DMD: variants seen among roughly 807,000 people sequenced by gnomAD.
The protein encoded by DMD is mutant dystrophin.
A neutral mutation model predicts 330.1 loss-of-function variants in DMD; 63 were observed. The ratio of observed to expected loss-of-function variants is 0.19; its 90% confidence interval spans 0.16 to 0.24. The LOEUF is 0.24. DMD is among the 10% of genes least tolerant of loss of function. The probability of loss-of-function intolerance (pLI) is 1.00; values close to 1 mark genes in which losing one functional copy is unlikely to be tolerated. For missense variants in DMD, 3,344 were observed against 2,684.1 expected, an observed-to-expected ratio of 1.25 and a Z score of -5.43; for synonymous variants, 1,223 against 959.8, an observed-to-expected ratio of 1.27 and a Z score of -5.07.
chrX:32,623,739 C>T (rs1274605242), intron 11 of DMD, among the ~76,000 whole-genome samples: 1 of 110,409 alleles, frequency 9.1e-6, no homozygotes, highest in East Asian at 2.9e-4. Context: ...GTTGCCCAGG[C>T]TAGTCTTGAA....
At chrX:31,815,659 G>A (rs1446203801) in intron 50 of DMD, among the ~76,000 whole-genome samples, 3 of 111,327 alleles carry the variant, frequency 2.7e-5, no homozygotes, top group Admixed American at 9.6e-5. Context: ...GTATAAATAC[G>A]GTGACAATAA....
chrX:31,629,932 TGTA>T (rs1446334633), intron 54 of DMD, among the ~76,000 whole-genome samples: 1 of 112,216 alleles, frequency 8.9e-6, no homozygotes, highest in African/African-American at 3.2e-5. Context: ...TATTTTCTAA[TGTA>T]GTCCAATTTC....
intron 11 of DMD, chrX:32,641,652 A>T (rs770720322): frequency 1.1e-3 from 173 of 151,221 alleles, no homozygotes; most frequent in African/African-American, 5.3e-3. Context: ...AGAAGTTTTT[A>T]ACTTTTGTTA....
intron 52 of DMD, among the ~76,000 whole-genome samples, chrX:31,698,177 G>A (rs1215071510): frequency 1.8e-5 from 2 of 111,809 alleles, no homozygotes; most frequent in East Asian, 5.6e-4. Flanking sequence ...ATGCCAAGGT[G>A]AAAGGCTTAA....
At chrX:32,515,471 G>C (rs1293287840) in intron 18 of DMD, among the ~76,000 whole-genome samples, 4 of 111,087 alleles carry the variant, frequency 3.6e-5, no homozygotes, top group Non-Finnish European at 7.5e-5. Context: ...TTGATAGGGA[G>C]GGTTTCAAGA....
chrX:32,430,417 A>C (rs2098233307), intron 29 of DMD, among the ~76,000 whole-genome samples: 1 of 111,885 alleles, frequency 8.9e-6, no homozygotes, highest in African/African-American at 3.2e-5. Context: ...ATTATGACAT[A>C]CAAGAAAGCT....
At chrX:31,219,947 TA>T (rs1342898882) in intron 64 of DMD, among the ~76,000 whole-genome samples, 1 of 111,317 alleles carries the variant, frequency 9.0e-6, no homozygotes, top group Non-Finnish European at 1.9e-5. Context: ...CACTATTATA[TA>T]TTTTTACTGT....
chrX:32,303,512 C>T (rs1386958536), intron 42 of DMD, among the ~76,000 whole-genome samples: 1 of 111,048 alleles, frequency 9.0e-6, no homozygotes, highest in Non-Finnish European at 1.9e-5. Context: ...TGTTTATAGA[C>T]TTATAAAACT....
intron 67 of DMD, among the ~76,000 whole-genome samples, chrX:31,196,241 G>A (rs1213893873): frequency 9.0e-6 from 1 of 111,599 alleles, no homozygotes; most frequent in Non-Finnish European, 1.9e-5. Flanking sequence ...GTAAGAGGTC[G>A]GTGATATCTC....
chrX:32,754,708 G>A (rs889897783), intron 7 of DMD, among the ~76,000 whole-genome samples: 23 of 111,056 alleles, frequency 2.1e-4, no homozygotes, highest in African/African-American at 5.6e-4. Context: ...AAATTTTCAC[G>A]GCAAATCTGT....
At chrX:32,692,616 C>T (rs948658957) in intron 9 of DMD, among the ~76,000 whole-genome samples, 2 of 111,729 alleles carry the variant, frequency 1.8e-5, no homozygotes, top group African/African-American at 6.5e-5. Flanking sequence ...TTACTATGTT[C>T]TGCTCTGCAT....
At chrX:32,192,285 G>A (rs1024230995) in intron 44 of DMD, among the ~76,000 whole-genome samples, 5 of 111,628 alleles carry the variant, frequency 4.5e-5, no homozygotes, top group Non-Finnish European at 7.5e-5. Flanking sequence ...AGGATTCAAA[G>A]TCAGCCATAA....
chrX:31,281,167 C>T (rs777793290), intron 62 of DMD, among the ~76,000 whole-genome samples: 4 of 111,748 alleles, frequency 3.6e-5, no homozygotes, highest in Admixed American at 9.5e-5. Flanking sequence ...GCAGGGCCAA[C>T]GACAGAGACT....
intron 12 of DMD, among the ~76,000 whole-genome samples, chrX:32,597,719 G>A (rs1301687190): frequency 9.0e-6 from 1 of 111,576 alleles, no homozygotes; most frequent in Non-Finnish European, 1.9e-5. Flanking sequence ...TGATGAACAG[G>A]GGTAAACACA....
At chrX:33,334,541 A>T (rs1205255431) in intron 1 of DMD, among the ~76,000 whole-genome samples, 1 of 111,458 alleles carries the variant, frequency 9.0e-6, no homozygotes, top group African/African-American at 3.2e-5. Context: ...CCTATATAGC[A>T]TATAAACAAA....
chrX:33,234,240 T>C (rs1482040959), intron 1 of DMD, among the ~76,000 whole-genome samples: 2 of 112,119 alleles, frequency 1.8e-5, no homozygotes, highest in South Asian at 3.7e-4. Context: ...TATTTAGCGG[T>C]ACATAAATTC....
At chrX:31,840,292 C>T (rs1298948917) in intron 48 of DMD, among the ~76,000 whole-genome samples, 1 of 111,171 alleles carries the variant, frequency 9.0e-6, no homozygotes, top group Admixed American at 9.7e-5. Flanking sequence ...ATCATCTATT[C>T]AATATATTTA....
chrX:32,904,586 T>G (rs1210311004), intron 2 of DMD, among the ~76,000 whole-genome samples: 1 of 112,106 alleles, frequency 8.9e-6, no homozygotes, highest in Non-Finnish European at 1.9e-5. Context: ...TTTCTTTTCT[T>G]TTTTTGGAGA....
chrX:33,023,427 G>A (rs1176475586), intron 1 of DMD, among the ~76,000 whole-genome samples: 1 of 111,419 alleles, frequency 9.0e-6, no homozygotes, highest in African/African-American at 3.3e-5. Flanking sequence ...ACTTCTACTG[G>A]TAGCAGAAAG....
Sources: gnomAD v4.1 joint callset for allele counts (sites outside exome capture counted in the v4.1 genomes callset) on GRCh38, gnomAD v4.1.1 for gene constraint, MANE v1.5 for transcripts, NCBI Gene and HGNC (gene_info 2026-07-23, HGNC 2026-07-21) for gene names.